HBS1L: variants seen among roughly 807,000 people sequenced by gnomAD.
HBS1L encodes the protein HBS1-like protein.
A neutral mutation model predicts 88.9 loss-of-function variants in HBS1L; 55 were observed. The ratio of observed to expected loss-of-function variants is 0.62; its 90% CI spans 0.50 to 0.77. HBS1L has a LOEUF of 0.77. Among genes scored for constraint, HBS1L ranks in the 30% least tolerant of loss-of-function variants. The pLI, the probability that HBS1L is intolerant of heterozygous loss-of-function variation, is 0.00. For missense variants in HBS1L, 741 were observed against 829.3 expected (o/e 0.89, Z 1.31); for synonymous variants, 267 against 288.5 (o/e 0.93, Z 0.76).
At chr6:134,990,343 C>T (rs115446407) in intron 8 of HBS1L, among the ~76,000 whole-genome samples, 1,619 of 152,290 alleles carry the variant, frequency 0.011, 26 homozygotes, top group African/African-American at 0.037. Flanking sequence ...TCTTGCAGCG[C>T]AACTGTTAGT....
chr6:134,987,870 G>A (rs1775022813), intron 8 of HBS1L, 79 bp from the exon 9 acceptor site: 2 of 1,254,276 alleles, frequency 1.6e-6, no homozygotes, highest in Non-Finnish European at 1.0e-6. Context: ...AATTAATTAT[G>A]TTAGTCACAT....
intron 12 of HBS1L, among the ~76,000 whole-genome samples, chr6:134,983,839 C>CATAGAGAAGAT (rs1421220893): frequency 6.6e-6 from 1 of 151,976 alleles, no homozygotes; most frequent in Admixed American, 6.6e-5. Context: ...ATGAGGAGCC[C>CATAGAGAAGAT]ATAGAGAAGA....
At position 135,024,183 on chromosome 6, in the gene HBS1L, G is replaced by C. The variant is rs558790231; in HGVS notation, c.430+15390C>G. 1.1e-3 allele frequency among the ~76,000 whole-genome samples: 175 copies of C among 152,252 alleles called. 2 individuals are homozygous for C. The highest frequency in any genetic ancestry group is 3.8e-3 in the African/African-American group (159 of 41,560). ...GGGCCGGGCACAGTGGCTCACGCCTGTAATCCCAGCACTTTGGGAGGCCGA... is the reference window on the plus strand; with the variant it reads ...GGGCCGGGCACAGTGGCTCACGCCTCTAATCCCAGCACTTTGGGAGGCCGA... On this transcript the variant is annotated intron_variant, in intron 4 of 17. Coordinates refer to ENST00000367837, the MANE Select transcript of HBS1L (RefSeq NM_006620.4).
chr6:135,038,051 T>C, intron 4 of HBS1L: 1 of 1,453,874 alleles, frequency 6.9e-7, no homozygotes, highest in Non-Finnish European at 9.0e-7. Context: ...GCCATTAATT[T>C]TCAGATGAAT....
chr6:135,024,981 C>A (rs979345918), intron 4 of HBS1L, among the ~76,000 whole-genome samples: 1 of 152,106 alleles, frequency 6.6e-6, no homozygotes, highest in African/African-American at 2.4e-5. Flanking sequence ...ATCTTTAGGA[C>A]AAGGCCTGCT....
At chr6:135,041,585 T>G (rs1183024474) in intron 3 of HBS1L, among the ~76,000 whole-genome samples, 2 of 152,138 alleles carry the variant, frequency 1.3e-5, no homozygotes, top group Non-Finnish European at 2.9e-5. Context: ...CAGTGTCACT[T>G]TAGACTTCAA....
Position 134,962,201 on chromosome 6 carries a change from ACTT to A in HBS1L, c.*3075_*3077del, listed in dbSNP as rs1375613354. The A allele has an allele frequency of 6.6e-6, 1 of 152,126 alleles. No homozygotes were observed. The highest frequency in any genetic ancestry group is 2.4e-5 in the African/African-American group (1 of 41,446). The allele number at this position is 152,126 out of a possible 1,614,324, so 9.4% of individuals were successfully genotyped here. On this transcript the variant is annotated 3_prime_UTR_variant, in exon 18 of 18. Transcript: ENST00000367837. The stretch of plus-strand genomic sequence containing the variant: ...TTTGAAAACTGTATAATTTTGAATA[ACTT>A]CTATATATCAGGATCTGTAATTGTT...
intron 8 of HBS1L, among the ~76,000 whole-genome samples, chr6:134,992,987 T>C (rs1283828182): frequency 6.6e-6 from 1 of 152,172 alleles, no homozygotes; most frequent in Non-Finnish European, 1.5e-5. Context: ...ATTTTTACTG[T>C]ACCTTTTCTA....
At chr6:135,045,068 G>A (rs1776867519) in intron 2 of HBS1L, among the ~76,000 whole-genome samples, 1 of 151,636 alleles carries the variant, frequency 6.6e-6, no homozygotes, top group Non-Finnish European at 1.5e-5. Flanking sequence ...GGTGGGTGGG[G>A]GGAAGAGTAA....
chr6:135,002,928 TATG>T (rs940170932), intron 4 of HBS1L, 86 bp from the exon 5 acceptor site: 41 of 763,836 alleles, frequency 5.4e-5, no homozygotes, highest in East Asian at 4.2e-4. Context: ...AATTATAGAT[TATG>T]ATAACTTTCA....
rs1777195621 is a variant in HBS1L, at chr6:135,054,728, C to A, written c.-37G>T. ...GGGCGTTTGCCACAGCCCCTTAACTCCTTCCAAAACACTCCGCTTAGATAC... is the reference window on the plus strand; with the variant it reads ...GGGCGTTTGCCACAGCCCCTTAACTACTTCCAAAACACTCCGCTTAGATAC... On this transcript the variant is annotated 5_prime_UTR_variant, in exon 1 of 18. Transcript: ENST00000367837. 4 of 1,613,276 alleles carry A rather than the reference C, an allele frequency of 2.5e-6. No homozygotes were observed. The South Asian group carries it at 4.4e-5, about 18-fold the overall frequency.
Position 134,996,867 on chromosome 6 carries a change from A to G in HBS1L, c.875T>C (p.Met292Thr), listed in dbSNP as rs1775302926. ...YLLGNINKRT[M>T]HKYEQESKKA... ...TTTAGACTCCTGTTCATACTTATGC[A>G]TAGTTCTTTTGTTTATATTACCCAG... is the stretch of plus-strand genomic sequence containing the variant. Residue 292 changes from methionine (M) to threonine (T), a missense_variant, in exon 7 of 18, where the codon ATG becomes ACG. Coordinates refer to ENST00000367837, the MANE Select transcript of HBS1L (RefSeq NM_006620.4). 1.2e-6 allele frequency: 2 copies of G among 1,611,602 alleles called. No homozygotes were observed. The highest frequency in any genetic ancestry group is 1.7e-6 in the Non-Finnish European group (2 of 1,179,010).
rs1775321714 is a variant in HBS1L at position 134,997,429 on chromosome 6, C to T, written c.767G>A (p.Gly256Glu). ...DVKAELEKRQ[G>E]GKQLLNLVVI... ...CACTAAGTTGAGTAGCTGCTTCCCTCCTTGCCGCTTCTCCAGTTCCGCCTT... is the reference window on the plus strand; with the variant it reads ...CACTAAGTTGAGTAGCTGCTTCCCTTCTTGCCGCTTCTCCAGTTCCGCCTT... Residue 256 changes from glycine (G) to glutamate (E), a missense_variant, in exon 6 of 18, where the codon GGA becomes GAA. By Grantham distance (98) the Gly-to-Glu change is moderately conservative. Transcript: ENST00000367837. 2 of 1,614,054 alleles carry T rather than the reference C, an allele frequency of 1.2e-6. No homozygotes were observed.
intron 5 of HBS1L, among the ~76,000 whole-genome samples, chr6:134,998,521 G>A (rs951886243): frequency 6.6e-6 from 1 of 152,184 alleles, no homozygotes; most frequent in Non-Finnish European, 1.5e-5. Flanking sequence ...CAAAGAGCAG[G>A]TTAAATTGGA....
intron 4 of HBS1L, among the ~76,000 whole-genome samples, chr6:135,033,442 C>CA (rs1187490871): frequency 6.6e-6 from 1 of 152,136 alleles, no homozygotes; most frequent in Non-Finnish European, 1.5e-5. Flanking sequence ...TGCTCAGTTC[C>CA]ACCTTCGCAG....
chr6:135,021,332 T>C (rs1347655098), intron 4 of HBS1L, among the ~76,000 whole-genome samples: 1 of 152,068 alleles, frequency 6.6e-6, no homozygotes, highest in Non-Finnish European at 1.5e-5. Context: ...CAATAAACAA[T>C]ATTATTTAAG....
chr6:135,037,521 T>C lies in HBS1L; in HGVS notation c.430+2052A>G, dbSNP rs567937145. The stretch of plus-strand genomic sequence containing the variant: ...TTGAACTTCCTAAACTGTCCTGTAC[T>C]GGAATGTTTTGAAAATCAGACAGTG... On this transcript the variant is annotated intron_variant, in intron 4 of 17. Transcript: ENST00000367837. 3.7e-5 allele frequency: 58 copies of C among 1,550,230 alleles called. No homozygotes were observed. In the South Asian group the frequency reaches 6.9e-4, roughly 18 times the overall value.
At chr6:135,033,631 C>T (rs1259046427) in intron 4 of HBS1L, among the ~76,000 whole-genome samples, 1 of 152,164 alleles carries the variant, frequency 6.6e-6, no homozygotes, top group African/African-American at 2.4e-5. Context: ...GAATCTCATA[C>T]CTAGTAGTTA....
intron 2 of HBS1L, 118 bp downstream of exon 2, chr6:135,050,461 TATA>T (rs1562320766): frequency 1.7e-6 from 1 of 579,700 alleles, no homozygotes. Context: ...ATAATTAACA[TATA>T]ATTAACTTTT....
Sources: allele counts gnomAD v4.1 joint callset (sites outside exome capture counted in the v4.1 genomes callset), GRCh38; gene constraint gnomAD v4.1.1; transcripts MANE v1.5; gene names NCBI Gene and HGNC (gene_info 2026-07-23, HGNC 2026-07-21).